CCSER1: variants seen among roughly 807,000 people sequenced by gnomAD.
CCSER1 encodes serine-rich coiled-coil domain-containing protein 1.
In CCSER1, 41 loss-of-function variants were observed where a neutral mutation model predicts 82.0. The ratio of observed to expected loss-of-function variants is 0.50; its 90% CI spans 0.39 to 0.65. The LOEUF (loss-of-function observed/expected upper bound fraction) is 0.65, where lower values mean the gene tolerates loss of function less well. Among genes scored for constraint, CCSER1 ranks in the 30% least tolerant of loss-of-function variants. The pLI, the probability that CCSER1 is intolerant of heterozygous loss-of-function variation, is 0.00. For synonymous variants in CCSER1, 414 were observed against 383.9 expected (o/e 1.08, Z -0.92); for missense variants, 1,119 against 1,064.2 (o/e 1.05, Z -0.72).
intron 3 of CCSER1, among the ~76,000 whole-genome samples, chr4:90,354,814 G>A (rs1267824494): frequency 6.6e-6 from 1 of 151,414 alleles, no homozygotes; most frequent in Non-Finnish European, 1.5e-5. Context: ...TTTTCCTAGT[G>A]GAACGATTCT....
chr4:91,041,508 T>G (rs769142132), intron 9 of CCSER1, among the ~76,000 whole-genome samples: 3 of 152,202 alleles, frequency 2.0e-5, no homozygotes, highest in Non-Finnish European at 4.4e-5. Context: ...GGAAAAGACA[T>G]GCATCACTTG....
At chr4:90,613,883 T>C (rs771214156) in intron 5 of CCSER1, among the ~76,000 whole-genome samples, 8 of 152,188 alleles carry the variant, frequency 5.3e-5, no homozygotes, top group Admixed American at 6.5e-5. Flanking sequence ...ATGAATAGTT[T>C]ATTTAACAGT....
At chr4:90,474,632 G>A (rs965909395) in intron 5 of CCSER1, among the ~76,000 whole-genome samples, 1 of 152,122 alleles carries the variant, frequency 6.6e-6, no homozygotes. Flanking sequence ...CTATAAATGA[G>A]GACTTTCCTC....
intron 4 of CCSER1, among the ~76,000 whole-genome samples, chr4:90,451,926 T>C (rs1303438750): frequency 6.6e-6 from 1 of 152,192 alleles, no homozygotes; most frequent in Non-Finnish European, 1.5e-5. Context: ...ACCCATTGGC[T>C]GTGAGGAAGT....
At chr4:90,887,858 G>T (rs1054952368) in intron 8 of CCSER1, among the ~76,000 whole-genome samples, 6 of 152,032 alleles carry the variant, frequency 3.9e-5, no homozygotes, top group Non-Finnish European at 7.4e-5. Flanking sequence ...CTCCAGCCTG[G>T]CGACAGAGCA....
At chr4:91,186,004 G>A (rs956854502) in intron 10 of CCSER1, among the ~76,000 whole-genome samples, 1 of 152,080 alleles carries the variant, frequency 6.6e-6, no homozygotes, top group Non-Finnish European at 1.5e-5. Context: ...TGTTGATCTG[G>A]GGGGTGTATT....
intron 6 of CCSER1, among the ~76,000 whole-genome samples, chr4:90,675,248 A>C (rs1476612150): frequency 6.6e-6 from 1 of 152,094 alleles, no homozygotes; most frequent in Non-Finnish European, 1.5e-5. Flanking sequence ...ACTATTATTT[A>C]TAAACAATTA....
intron 4 of CCSER1, among the ~76,000 whole-genome samples, chr4:90,419,196 A>G (rs901963402): frequency 2.0e-5 from 3 of 151,970 alleles, no homozygotes; most frequent in Non-Finnish European, 4.4e-5. Context: ...TGAAATTGTG[A>G]TCTCAGTTGT....
intron 1 of CCSER1, among the ~76,000 whole-genome samples, chr4:90,223,626 C>A (rs7664194): frequency 0.65 from 99,479 of 152,096 alleles, 35,029 homozygotes; most frequent in African/African-American, 0.91. Flanking sequence ...AGTAGTTTAC[C>A]TTATCTTGAG....
At chr4:91,233,797 T>C (rs1200706072) in intron 10 of CCSER1, among the ~76,000 whole-genome samples, 6 of 152,028 alleles carry the variant, frequency 3.9e-5, no homozygotes, top group Admixed American at 2.6e-4. Context: ...AAAGTACATG[T>C]TAAGGATTTT....
intron 5 of CCSER1, among the ~76,000 whole-genome samples, chr4:90,609,389 T>C (rs996632225): frequency 1.8e-4 from 28 of 152,190 alleles, no homozygotes; most frequent in African/African-American, 6.8e-4. Flanking sequence ...TATTTAAATA[T>C]GCTGTGAAAT....
chr4:90,946,167 A>G (rs1027736714), intron 9 of CCSER1, among the ~76,000 whole-genome samples: 5 of 152,220 alleles, frequency 3.3e-5, no homozygotes, highest in Admixed American at 6.5e-5. Flanking sequence ...TGCTAATTTT[A>G]TAAGCATGAG....
intron 6 of CCSER1, among the ~76,000 whole-genome samples, chr4:90,654,639 T>C (rs1579743104): frequency 6.6e-6 from 1 of 152,248 alleles, no homozygotes; most frequent in East Asian, 1.9e-4. Context: ...ATTCATTTAT[T>C]CATTCATTCA....
chr4:90,861,051 A>G (rs1215343416), intron 8 of CCSER1, among the ~76,000 whole-genome samples: 3 of 151,742 alleles, frequency 2.0e-5, no homozygotes, highest in African/African-American at 7.2e-5. Flanking sequence ...ACAAATGATA[A>G]TAAAAAATCA....
chr4:91,039,795 C>T (rs560212394), intron 9 of CCSER1, among the ~76,000 whole-genome samples: 1 of 151,898 alleles, frequency 6.6e-6, no homozygotes, highest in Admixed American at 6.6e-5. Context: ...TACACACACA[C>T]ACATACACGT....
chr4:90,913,436 A>C (rs888273342), intron 8 of CCSER1, among the ~76,000 whole-genome samples: 1 of 152,202 alleles, frequency 6.6e-6, no homozygotes, highest in Non-Finnish European at 1.5e-5. Context: ...CAGACAAGCA[A>C]ATGCTGAGAG....
intron 6 of CCSER1, among the ~76,000 whole-genome samples, chr4:90,662,101 T>C (rs1273895953): frequency 6.6e-6 from 1 of 151,546 alleles, no homozygotes; most frequent in East Asian, 1.9e-4. Context: ...CAGGTTCACG[T>C]GATTCTCCTG....
intron 4 of CCSER1, among the ~76,000 whole-genome samples, chr4:90,437,648 C>CTACCAGAACA (rs1205559745): frequency 9.2e-5 from 14 of 152,014 alleles, no homozygotes; most frequent in Non-Finnish European, 2.1e-4. Context: ...TGGTTGGTAC[C>CTACCAGAACA]TACCAGAACA....
intron 8 of CCSER1, among the ~76,000 whole-genome samples, chr4:90,871,296 T>G (rs956763936): frequency 3.3e-5 from 5 of 151,796 alleles, no homozygotes; most frequent in African/African-American, 1.2e-4. Flanking sequence ...AAAAAAAATA[T>G]TTAGGATCAT....
Sources: allele counts gnomAD v4.1 joint callset (sites outside exome capture counted in the v4.1 genomes callset), GRCh38; gene constraint gnomAD v4.1.1; transcripts MANE v1.5; gene names NCBI Gene and HGNC (gene_info 2026-07-23, HGNC 2026-07-21).